The following HMGB1 variants were observed in gnomAD, a reference collection of about 807,000 sequenced individuals.
The protein encoded by HMGB1 is high mobility group protein B1.
For synonymous variants in HMGB1, 81 were observed against 84.0 expected (o/e 0.96, Z 0.19); for missense variants, 79 against 253.5 (o/e 0.31, Z 4.67).
chr13:30,601,191 G>A (rs191870291), intron 1 of HMGB1, among the ~76,000 whole-genome samples: 308 of 152,182 alleles, frequency 2.0e-3, no homozygotes, highest in Middle Eastern at 0.01. Flanking sequence ...ACCGCTGCCC[G>A]CAAAACATTG....
rs564016356 is a variant in HMGB1, at chr13:30,505,260, C to G, written c.-14-41566G>C. Among the ~76,000 whole-genome samples the G allele has an allele frequency of 1.3e-3, 196 of 152,150 alleles. 1 individual carries two copies. The highest frequency in any genetic ancestry group is 1.7e-3 in the Non-Finnish European group (116 of 67,994). ...GTGGCGCCATCTCAGCTCACTGCAA[C>G]CTCCGCCTCCTGGGTTCAAACGATT... On this transcript the variant is annotated intron_variant, in intron 1 of 4. Transcript: ENST00000405805.
chr13:30,473,568 C>T (rs546559784), intron 1 of HMGB1, among the ~76,000 whole-genome samples: 8 of 152,194 alleles, frequency 5.3e-5, no homozygotes, highest in South Asian at 2.1e-4. Flanking sequence ...CACACACCCA[C>T]GCAGATGGCT....
chr13:30,514,947 G>A (rs1888070441), intron 1 of HMGB1, among the ~76,000 whole-genome samples: 1 of 152,226 alleles, frequency 6.6e-6, no homozygotes, highest in South Asian at 2.1e-4. Context: ...CAGAGTAAGT[G>A]AGTATGACGA....
chr13:30,535,804 C>G (rs1868408528), intron 1 of HMGB1, among the ~76,000 whole-genome samples: 2 of 152,326 alleles, frequency 1.3e-5, no homozygotes, highest in Non-Finnish European at 2.9e-5. Context: ...GCAGGAGAAT[C>G]ACTTGAACCC....
At chr13:30,562,528 T>C (rs777921445) in intron 1 of HMGB1, among the ~76,000 whole-genome samples, 5 of 142,450 alleles carry the variant, frequency 3.5e-5, no homozygotes, top group Non-Finnish European at 8.1e-5. Context: ...CTTACTTTTA[T>C]ATTACAGTAT....
chr13:30,482,822 C>T (rs1887264301), intron 1 of HMGB1, among the ~76,000 whole-genome samples: 1 of 151,956 alleles, frequency 6.6e-6, no homozygotes, highest in Admixed American at 6.6e-5. Context: ...GAGTCTTATT[C>T]TGTTGCCCAG....
Position 30,559,458 on chromosome 13 carries a change from T to C in HMGB1, c.-15+57213A>G, listed in dbSNP as rs1055958785. 6.6e-6 allele frequency among the ~76,000 whole-genome samples: 1 copy of C among 152,218 alleles called. No individual in the cohort carries two copies. The highest frequency in any genetic ancestry group is 1.5e-5 in the Non-Finnish European group (1 of 68,046). ...ATAACCTGTCAAAAGAATGAAGTGA[T>C]GGAAGCCAGACTCAAACCAACTGTG... On this transcript the variant is annotated intron_variant, in intron 1 of 4. Coordinates refer to the HMGB1 transcript ENST00000405805. The surrounding 1 kb of genome is among the most constrained non-coding windows in gnomAD (Gnocchi z 6.6).
intron 4 of HMGB1, 48 bp from the exon 5 acceptor site, chr13:30,461,581 A>C (rs1489340953): frequency 1.3e-6 from 2 of 1,568,922 alleles, no homozygotes; most frequent in Admixed American, 1.9e-5. Context: ...AAAAAACATT[A>C]AGGAAAGAAA....
At chr13:30,505,467 C>T (rs533396547) in intron 1 of HMGB1, among the ~76,000 whole-genome samples, 28 of 152,100 alleles carry the variant, frequency 1.8e-4, no homozygotes, top group African/African-American at 3.4e-4. Flanking sequence ...TGTAAGCCAC[C>T]GCGCCCAACC....
intron 4 of HMGB1, among the ~76,000 whole-genome samples, chr13:30,462,048 G>A (rs910779261): frequency 6.6e-6 from 1 of 152,140 alleles, no homozygotes; most frequent in African/African-American, 2.4e-5. Flanking sequence ...TCAATTTACT[G>A]AACTATAAGA....
intron 1 of HMGB1, among the ~76,000 whole-genome samples, chr13:30,568,356 A>G (rs1870280764): frequency 6.6e-6 from 1 of 152,168 alleles, no homozygotes; most frequent in East Asian, 1.9e-4. Context: ...AGCAATAAAA[A>G]ATTAGCTAGG....
At chr13:30,492,752 A>G (rs1887524970) in intron 1 of HMGB1, among the ~76,000 whole-genome samples, 1 of 152,108 alleles carries the variant, frequency 6.6e-6, no homozygotes, top group Non-Finnish European at 1.5e-5. Context: ...GCACTTTGGG[A>G]GGCTGAGGCA....
At chr13:30,512,696 T>C (rs1888018512) in intron 1 of HMGB1, among the ~76,000 whole-genome samples, 1 of 152,124 alleles carries the variant, frequency 6.6e-6, no homozygotes, top group South Asian at 2.1e-4. Flanking sequence ...TTCCACTCAG[T>C]AATAATAATG....
Position 30,559,869 on chromosome 13 carries a change from A to G in HMGB1, c.-15+56802T>C, listed in dbSNP as rs1228549595. 1.3e-5 allele frequency among the ~76,000 whole-genome samples: 2 copies of G among 152,226 alleles called. No individual in the cohort carries two copies. Among genetic ancestry groups the G allele is most frequent in the African/African-American group, 4.8e-5 (2 of 41,454 alleles). On this transcript the variant is annotated intron_variant, in intron 1 of 4. Transcript: ENST00000405805. The surrounding 1 kb of genome is among the most constrained non-coding windows in gnomAD (Gnocchi z 6.6). Reference sequence around the variant, plus strand: ...TATTAAACAATTAAGAGTATGACTAAGATGAATATGCATTCATTCACCAAA... The same window carrying G: ...TATTAAACAATTAAGAGTATGACTAGGATGAATATGCATTCATTCACCAAA...
At chr13:30,538,518 T>TC (rs1868602355) in intron 1 of HMGB1, among the ~76,000 whole-genome samples, 1 of 138,472 alleles carries the variant, frequency 7.2e-6, no homozygotes, top group African/African-American at 3.1e-5. Context: ...TTCCTTTCTT[T>TC]CTTTCCTTTC....
upstream of HMGB1, chr13:30,465,971 C>T: frequency 1.0e-6 from 1 of 985,956 alleles, no homozygotes; most frequent in African/African-American, 1.7e-5. Context: ...TTGGCTACCG[C>T]CAACTCACGG....
chr13:30,491,086 A>T (rs546020736), intron 1 of HMGB1, among the ~76,000 whole-genome samples: 1 of 152,198 alleles, frequency 6.6e-6, no homozygotes, highest in Admixed American at 6.5e-5. Context: ...CAGAATGCAA[A>T]GGCGCAGTCT....
intron 1 of HMGB1, among the ~76,000 whole-genome samples, chr13:30,594,976 G>C (rs901555203): frequency 6.2e-4 from 94 of 152,188 alleles, no homozygotes; most frequent in Non-Finnish European, 1.2e-3. Flanking sequence ...AATGACAGGT[G>C]AATCTAGGTA....
intron 1 of HMGB1, among the ~76,000 whole-genome samples, chr13:30,538,498 C>CTTTCTTTCTTTCTTTTTCTTTA (rs1566018767): frequency 1.3e-4 from 2 of 15,840 alleles, no homozygotes; most frequent in South Asian, 3.4e-3. Context: ...TTCTTTCTTT[C>CTTTCTTTCTTTCTTTTTCTTTA]TTTCTTTCTT....
Sources: gnomAD v4.1 joint callset for allele counts (sites outside exome capture counted in the v4.1 genomes callset) on GRCh38, gnomAD v4.1.1 for gene constraint, Gnocchi (gnomAD v3.1) non-coding constraint, MANE v1.5 for transcripts, NCBI Gene and HGNC (gene_info 2026-07-23, HGNC 2026-07-21) for gene names.